The following FGL1 variants were observed in gnomAD, a reference collection of about 807,000 sequenced individuals.
FGL1 encodes fibrinogen-like protein 1.
A neutral mutation model predicts 43.7 loss-of-function variants in FGL1; 59 were observed. The ratio of observed to expected loss-of-function variants is 1.35; its 90% CI spans 1.10 to 1.68. The LOEUF is 1.68. Among genes scored for constraint, FGL1 ranks in the 40% most tolerant of loss-of-function variants. The pLI is 0.00. For missense variants in FGL1, 596 were observed against 373.0 expected, an observed-to-expected ratio of 1.60 and a Z score of -4.92; for synonymous variants, 192 against 126.5, an observed-to-expected ratio of 1.52 and a Z score of -3.48.
At chr8:17,886,206 A>G (rs2053626078) in intron 1 of FGL1, among the ~76,000 whole-genome samples, 1 of 152,216 alleles carries the variant, frequency 6.6e-6, no homozygotes, top group Non-Finnish European at 1.5e-5. Flanking sequence ...TCCTTGCTTT[A>G]AACTACAGTC....
intron 7 of FGL1, among the ~76,000 whole-genome samples, chr8:17,865,336 G>C (rs1309131803): frequency 1.3e-5 from 2 of 152,126 alleles, no homozygotes; most frequent in African/African-American, 4.8e-5. Context: ...CGTGGGCAAG[G>C]TGCTCTACTA....
chr8:17,889,007 C>G (rs1391775937), intron 1 of FGL1, among the ~76,000 whole-genome samples: 2 of 152,094 alleles, frequency 1.3e-5, no homozygotes, highest in African/African-American at 2.4e-5. Context: ...AATTGCTAAA[C>G]AGGCTTGATG....
In FGL1 at chr8:17,882,042, A is replaced by T; in HGVS notation, c.201T>A (p.Asp67Glu). ...TTCCAAGATCAATGACAGTATTCTC[A>T]TCTCCTTTATCAAGGAACTGGACTT... ...ENEVQFLDKGDENTVIDLGSK... is the reference protein window; with the variant it reads ...ENEVQFLDKGEENTVIDLGSK... The change falls in exon 3 of 8, where the codon GAT becomes GAA. Residue 67 changes from aspartate to glutamate, a missense_variant. Physicochemically the swap from Asp to Glu is conservative, Grantham distance 45. Transcript: ENST00000427924. The T allele has an allele frequency of 4.3e-6, 7 of 1,613,826 alleles. No individual in the cohort carries two copies. Among genetic ancestry groups the T allele is most frequent in the South Asian group, 3.3e-5 (3 of 91,078 alleles).
rs1432366124 is a variant in FGL1 at position 17,895,471 on chromosome 8, C to G, written c.-42G>C. 7.8e-7 allele frequency: 1 copy of G among 1,283,058 alleles called. No individual in the cohort carries two copies. The highest frequency in any genetic ancestry group is 1.0e-6 in the Non-Finnish European group (1 of 983,288). The allele number at this position is 1,283,058 out of a possible 1,614,324, so 79.5% of individuals were successfully genotyped here. On this transcript the variant is annotated 5_prime_UTR_variant, in exon 1 of 8. Coordinates refer to ENST00000427924, the MANE Select transcript of FGL1 (RefSeq NM_004467.4). The stretch of plus-strand genomic sequence containing the variant: ...CCTAAAGTCAGAAGTGAGTCAGAGA[C>G]CCAGCTCAGGTTCCATCCAGACACT...
chr8:17,886,626 T>C (rs1307340277), intron 1 of FGL1, among the ~76,000 whole-genome samples: 2 of 151,774 alleles, frequency 1.3e-5, no homozygotes, highest in Non-Finnish European at 2.9e-5. Flanking sequence ...GGCGTGGTGG[T>C]GGGCGCCTGT....
chr8:17,875,481 C>CTCTTTCTTTCTTTCTTTCTTTCTT lies in FGL1; in HGVS notation c.245-984_245-961dup, dbSNP rs1172572579. On this transcript the variant is annotated intron_variant, in intron 3 of 7. Transcript: ENST00000427924. ...CCCCTTTGTCACCAAAAAGTGATAT[C>CTCTTTCTTTCTTTCTTTCTTTCTT]TCTTTCTTTCTTTCTTTCTTTCTTT... is the stretch of plus-strand genomic sequence containing the variant. Among the ~76,000 whole-genome samples, 447 of 129,742 alleles carry CTCTTTCTTTCTTTCTTTCTTTCTT rather than the reference C, an allele frequency of 3.4e-3. 10 individuals carry two copies. Among genetic ancestry groups the CTCTTTCTTTCTTTCTTTCTTTCTT allele is most frequent in the Admixed American group, 5.7e-3 (71 of 12,458 alleles). The allele number at this position is 129,742 out of a possible 152,430, so 85.1% of individuals were successfully genotyped here. A position where few individuals can be genotyped will look rare whatever the true frequency, so the allele number is the denominator to read the frequency against.
rs142859296 is a variant in FGL1 at position 17,894,594 on chromosome 8, A to G, written c.-18+853T>C. On this transcript the variant is annotated intron_variant, in intron 1 of 7. Transcript: ENST00000427924. Reference sequence around the variant, plus strand: ...TAGTCCATTTTATTTTTAATTTTTTATACTGAAACTGTAAACCTATCATTT... The same window carrying G: ...TAGTCCATTTTATTTTTAATTTTTTGTACTGAAACTGTAAACCTATCATTT... Among the ~76,000 whole-genome samples, 185 of 147,096 alleles carry G rather than the reference A, an allele frequency of 1.3e-3. 30 individuals are homozygous for G. Among genetic ancestry groups the G allele is most frequent in the African/African-American group, 4.7e-3 (175 of 37,414 alleles).
chr8:17,883,730 C>T (rs2053585338), intron 2 of FGL1, among the ~76,000 whole-genome samples: 1 of 147,162 alleles, frequency 6.8e-6, no homozygotes, highest in Admixed American at 6.9e-5. Flanking sequence ...CCCCTCCCTC[C>T]CATCTCTAGG....
At chr8:17,867,885 C>T (rs1261250504) in intron 7 of FGL1, among the ~76,000 whole-genome samples, 1 of 152,200 alleles carries the variant, frequency 6.6e-6, no homozygotes. Flanking sequence ...GCCTGGGCAA[C>T]ATGGCAAAAC....
intron 7 of FGL1, among the ~76,000 whole-genome samples, chr8:17,865,790 G>A (rs768527771): frequency 1.3e-5 from 2 of 152,118 alleles, no homozygotes; most frequent in African/African-American, 4.8e-5. Flanking sequence ...TTCACAAGAG[G>A]TAGTTCTGAA....
chr8:17,864,716 C>T lies in FGL1; in HGVS notation c.815G>A (p.Ser272Asn). ...GTCTGTTTTAGCCGTGTAGGGGCCG[C>T]TGTAGTATACACCATTCAGGTTTGC... ...HSANLNGVYYSGPYTAKTDNG... is the reference protein window; with the variant it reads ...HSANLNGVYYNGPYTAKTDNG... Residue 272 changes from serine to asparagine, a missense_variant, in exon 8 of 8, where the codon AGC (serine) becomes AAC (asparagine). Ser to Asn is a conservative substitution (Grantham distance 46, BLOSUM62 1). Coordinates refer to ENST00000427924, the MANE Select transcript of FGL1 (RefSeq NM_004467.4). The T allele has an allele frequency of 6.2e-7, 1 of 1,610,566 alleles. No individual in the cohort carries two copies. Among genetic ancestry groups the T allele is most frequent in the South Asian group, 1.1e-5 (1 of 90,408 alleles).
chr8:17,886,683 G>A (rs1261113753), intron 1 of FGL1, among the ~76,000 whole-genome samples: 3 of 152,112 alleles, frequency 2.0e-5, no homozygotes, highest in South Asian at 2.1e-4. Flanking sequence ...GCTTGAACCC[G>A]GGAGATGGAG....
intron 7 of FGL1, 98 bp from the exon 8 acceptor site, chr8:17,864,849 A>G: frequency 9.0e-7 from 1 of 1,105,358 alleles, no homozygotes. Flanking sequence ...AAATTTTTGA[A>G]CTATGAATTC....
At chr8:17,892,143 C>T (rs1210204059) in intron 1 of FGL1, among the ~76,000 whole-genome samples, 2 of 151,968 alleles carry the variant, frequency 1.3e-5, no homozygotes, top group Non-Finnish European at 2.9e-5. Flanking sequence ...GTGTCTTTAA[C>T]TATCTAATTT....
In FGL1 at chr8:17,864,764, A is replaced by T; in HGVS notation, c.780-13T>A. The T allele has an allele frequency of 7.0e-7, 1 of 1,431,494 alleles. No individual in the cohort carries two copies. The highest frequency in any genetic ancestry group is 9.2e-7 in the Non-Finnish European group (1 of 1,085,762). The allele number at this position is 1,431,494 out of a possible 1,614,324, so 88.7% of individuals were successfully genotyped here. A position where few individuals can be genotyped will look rare whatever the true frequency, so the allele number is the denominator to read the frequency against. On this transcript the variant is annotated splice_polypyrimidine_tract_variant and intron_variant, in intron 7 of 7. Transcript: ENST00000427924. Reference sequence around the variant, plus strand: ...TGCAGAGTGACACCTAGTGGAAGGGAGAAAAAAAAAGAAAACAACAATCAG... The same window carrying T: ...TGCAGAGTGACACCTAGTGGAAGGGTGAAAAAAAAAGAAAACAACAATCAG...
At chr8:17,865,164 AT>A (rs1170402163) in intron 7 of FGL1, among the ~76,000 whole-genome samples, 10 of 152,172 alleles carry the variant, frequency 6.6e-5, no homozygotes, top group African/African-American at 2.4e-4. Flanking sequence ...CTCACAGTGC[AT>A]TGAAAAATAA....
intron 2 of FGL1, among the ~76,000 whole-genome samples, chr8:17,884,090 TCCC>T (rs56710074): frequency 0.071 from 9,772 of 137,444 alleles, 903 homozygotes; most frequent in African/African-American, 0.18. Flanking sequence ...CTTCCCTCCC[TCCC>T]TCCCTTCCTT....
chr8:17,876,705 T>C (rs1055380931), intron 3 of FGL1, among the ~76,000 whole-genome samples: 1 of 152,184 alleles, frequency 6.6e-6, no homozygotes, highest in Middle Eastern at 3.2e-3. Context: ...TTACATTAAA[T>C]TTCCTACCAA....
chr8:17,895,338 C>T (rs543214230), intron 1 of FGL1, 109 bp downstream of exon 1: 6 of 1,163,372 alleles, frequency 5.2e-6, no homozygotes, highest in East Asian at 1.3e-4. Context: ...AACCTGACTT[C>T]TTGCAAAAGC....
Sources: gnomAD v4.1 joint callset for allele counts (sites outside exome capture counted in the v4.1 genomes callset) on GRCh38, gnomAD v4.1.1 for gene constraint, MANE v1.5 for transcripts, NCBI Gene and HGNC (gene_info 2026-07-23, HGNC 2026-07-21) for gene names.